Variants in PRDM16 observed in about 807,000 individuals in gnomAD.
The protein encoded by PRDM16 is PR/SET domain 16.
A neutral mutation model predicts 110.6 loss-of-function variants in PRDM16; 23 were observed. The observed-to-expected ratio is 0.21, with a 90% CI of 0.15 to 0.29. The LOEUF (loss-of-function observed/expected upper bound fraction) is 0.29, where lower values mean the gene tolerates loss of function less well. PRDM16 is among the 10% of genes least tolerant of loss of function. The pLI, the probability that PRDM16 is intolerant of heterozygous loss-of-function variation, is 1.00. For synonymous variants in PRDM16, 799 were observed against 781.8 expected, an observed-to-expected ratio of 1.02 and a Z score of -0.37; for missense variants, 1,615 against 1,794.3, an observed-to-expected ratio of 0.90 and a Z score of 1.81.
intron 1 of PRDM16, among the ~76,000 whole-genome samples, chr1:3,101,312 A>C (rs1479230155): frequency 6.6e-6 from 1 of 152,218 alleles, no homozygotes; most frequent in Non-Finnish European, 1.5e-5. Flanking sequence ...GCCGCGAGGC[A>C]GTGCATTGTC....
chr1:3,144,880 T>C (rs1291240221), intron 1 of PRDM16, among the ~76,000 whole-genome samples: 2 of 152,158 alleles, frequency 1.3e-5, no homozygotes, highest in Non-Finnish European at 2.9e-5. Context: ...AGGTAAGGGT[T>C]GGGCTGGCAG....
At chr1:3,415,060 A>G (rs1643756636) in intron 10 of PRDM16, among the ~76,000 whole-genome samples, 1 of 152,178 alleles carries the variant, frequency 6.6e-6, no homozygotes, top group Admixed American at 6.5e-5. Context: ...AATGGACCGG[A>G]AGAGAGGAAG....
chr1:3,116,834 G>A (rs1019584704), intron 1 of PRDM16, among the ~76,000 whole-genome samples: 2 of 152,202 alleles, frequency 1.3e-5, no homozygotes, highest in Non-Finnish European at 2.9e-5. Flanking sequence ...AGCTCCGTGT[G>A]CCCCCACCTG....
rs562431854 is a variant in PRDM16 at position 3,143,766 on chromosome 1, C to T, written c.38-42359C>T. On this transcript the variant is annotated intron_variant, in intron 1 of 16. Transcript: ENST00000270722. This position sits in a 1 kb window ranked among gnomAD's most constrained non-coding sequence, Gnocchi z 4.5. ...TGCTGGGATCACAGGCTTGAGCCACCGCGTCCGGCTTATTCTTTTTTTCTA... is the reference window on the plus strand; with the variant it reads ...TGCTGGGATCACAGGCTTGAGCCACTGCGTCCGGCTTATTCTTTTTTTCTA... Among the ~76,000 whole-genome samples the T allele has an allele frequency of 1.2e-4, 19 of 152,338 alleles. No homozygotes were observed. In the South Asian group the frequency reaches 3.5e-3, roughly 28 times the overall value.
intron 3 of PRDM16, among the ~76,000 whole-genome samples, chr1:3,338,426 A>G (rs938717413): frequency 1.3e-5 from 2 of 152,382 alleles, no homozygotes; most frequent in Non-Finnish European, 1.5e-5. Context: ...CCCTTCAGTT[A>G]TCTGAGCAGT....
chr1:3,166,035 T>G (rs1017334980), intron 1 of PRDM16, among the ~76,000 whole-genome samples: 6 of 152,192 alleles, frequency 3.9e-5, no homozygotes, highest in Non-Finnish European at 7.4e-5. Context: ...CCCTGGGGCA[T>G]GTCGGGGGCC....
At chr1:3,404,668 T>C (rs1213863657) in intron 6 of PRDM16, 71 bp from the exon 7 acceptor site, 34 of 1,586,958 alleles carry the variant, frequency 2.1e-5, no homozygotes, top group Non-Finnish European at 2.7e-5. Flanking sequence ...GAACAAGCTG[T>C]ATGGTTGGGG....
rs570828884 is a variant in PRDM16 at position 3,282,461 on chromosome 1, C to T, written c.438+38324C>T. ...ACCTGGGGCCAGCGCCGCAGGGCCC[C>T]CTGGTTTGGAAAGCCTGTTCCTCAG... On this transcript the variant is annotated intron_variant, in intron 3 of 16. Coordinates refer to ENST00000270722, the MANE Select transcript of PRDM16 (RefSeq NM_022114.4). 3.9e-5 allele frequency among the ~76,000 whole-genome samples: 6 copies of T among 152,324 alleles called. No individual in the cohort carries two copies. In the South Asian group the frequency reaches 1.0e-3, roughly 26 times the overall value.
At chr1:3,418,139 T>A in intron 11 of PRDM16, 142 bp downstream of exon 11, 1 of 722,292 alleles carries the variant, frequency 1.4e-6, no homozygotes, top group African/African-American at 1.8e-5. Context: ...GTTATCTGCT[T>A]GAGGTCATGC....
At chr1:3,189,315 T>G (rs1459898401) in intron 2 of PRDM16, among the ~76,000 whole-genome samples, 1 of 151,706 alleles carries the variant, frequency 6.6e-6, no homozygotes, top group Non-Finnish European at 1.5e-5. Context: ...GCAGGCCTGG[T>G]ACAGAGAAAA....
At chr1:3,363,660 A>G (rs1642756936) in intron 3 of PRDM16, among the ~76,000 whole-genome samples, 1 of 152,096 alleles carries the variant, frequency 6.6e-6, no homozygotes, top group South Asian at 2.1e-4. Context: ...CCCCCTTGGA[A>G]ACAAGCCCCC....
intron 3 of PRDM16, among the ~76,000 whole-genome samples, chr1:3,371,307 C>T (rs1642903485): frequency 6.6e-6 from 1 of 150,738 alleles, no homozygotes; most frequent in Non-Finnish European, 1.5e-5. Flanking sequence ...ACCCATCCAT[C>T]CATGCATCCA....
At chr1:3,279,495 C>G (rs1442912882) in intron 3 of PRDM16, among the ~76,000 whole-genome samples, 1 of 152,274 alleles carries the variant, frequency 6.6e-6, no homozygotes, top group Admixed American at 6.5e-5. Flanking sequence ...CACGCCTGCC[C>G]CTGCCACCAG....
Position 3,405,632 on chromosome 1 carries a change from G to A in PRDM16, c.1170G>A (p.Thr390=), listed in dbSNP as rs374263452. 1.3e-5 allele frequency: 21 copies of A among 1,597,266 alleles called. No homozygotes were observed. The highest frequency in any genetic ancestry group is 4.1e-5 in the African/African-American group (3 of 73,960). ...GLKQHKHIHS[T]VKPFICEVCH... ...AGCAGCACAAGCATATCCACAGCAC[G>A]GTGAAGCCTTTCATATGTGAGTGGT... The change falls in exon 8 of 17, where the codon ACG becomes ACA. Residue 390 remains threonine, a synonymous_variant. Coordinates refer to ENST00000270722, the MANE Select transcript of PRDM16 (RefSeq NM_022114.4).
chr1:3,193,481 C>T lies in PRDM16; in HGVS notation c.387+7007C>T, dbSNP rs563253753. Among the ~76,000 whole-genome samples the T allele has an allele frequency of 1.1e-4, 16 of 152,328 alleles. No individual in the cohort carries two copies. In the East Asian group the frequency reaches 2.5e-3, roughly 24 times the overall value. Reference sequence around the variant, plus strand: ...GTAGAAGCAGAACTTGTGTGTCCAGCGCCCACTGCTCAGTGGGCTGGGTGC... The same window carrying T: ...GTAGAAGCAGAACTTGTGTGTCCAGTGCCCACTGCTCAGTGGGCTGGGTGC... On this transcript the variant is annotated intron_variant, in intron 2 of 16. Coordinates refer to ENST00000270722, the MANE Select transcript of PRDM16 (RefSeq NM_022114.4).
chr1:3,273,817 A>AGT (rs57550885), intron 3 of PRDM16, among the ~76,000 whole-genome samples: 8,686 of 136,894 alleles, frequency 0.063, 288 homozygotes, highest in Middle Eastern at 0.077. Flanking sequence ...TAGGCATGTA[A>AGT]GTGTGTGTGT....
At chr1:3,373,237 C>T (rs1414292731) in intron 3 of PRDM16, among the ~76,000 whole-genome samples, 2 of 152,096 alleles carry the variant, frequency 1.3e-5, no homozygotes, top group Admixed American at 6.5e-5. Context: ...GCAGTGCCGG[C>T]GGGAAACGGC....
intron 8 of PRDM16, among the ~76,000 whole-genome samples, chr1:3,411,160 GAC>G (rs1397758880): frequency 3.9e-5 from 6 of 152,126 alleles, no homozygotes; most frequent in Non-Finnish European, 5.9e-5. Context: ...TACGCACACA[GAC>G]ACACATGCAC....
At chr1:3,240,999 A>G (rs1639659019) in intron 2 of PRDM16, among the ~76,000 whole-genome samples, 1 of 152,236 alleles carries the variant, frequency 6.6e-6, no homozygotes, top group Admixed American at 6.5e-5. Flanking sequence ...TCGAGGAGCC[A>G]GCGGCGCGTG....
Sources: gnomAD v4.1 joint callset for allele counts (sites outside exome capture counted in the v4.1 genomes callset) on GRCh38, gnomAD v4.1.1 for gene constraint, Gnocchi (gnomAD v3.1) non-coding constraint, MANE v1.5 for transcripts, NCBI Gene and HGNC (gene_info 2026-07-23, HGNC 2026-07-21) for gene names.